CMTM8: variants seen among roughly 807,000 people sequenced by gnomAD.
The protein encoded by CMTM8 is CKLF-like MARVEL transmembrane domain-containing protein 8.
Under a neutral mutation model 18.6 loss-of-function variants are expected in CMTM8, and 12 were observed. The ratio of observed to expected loss-of-function variants is 0.65; its 90% CI spans 0.41 to 1.05. CMTM8 has a LOEUF of 1.05. Among genes scored for constraint, CMTM8 ranks in the 50% least tolerant of loss-of-function variants. The probability of loss-of-function intolerance (pLI) is 0.00; values close to 1 mark genes in which losing one functional copy is unlikely to be tolerated. For synonymous variants in CMTM8, 87 were observed against 90.6 expected (o/e 0.96, Z 0.23); for missense variants, 217 against 227.2 (o/e 0.95, Z 0.29).
intron 1 of CMTM8, among the ~76,000 whole-genome samples, chr3:32,261,302 G>T (rs1452562913): frequency 1.3e-5 from 2 of 152,174 alleles, no homozygotes; most frequent in East Asian, 3.9e-4. Flanking sequence ...TCTGTGTCTA[G>T]CCCTTAGAAT....
In CMTM8 at chr3:32,358,450, A is replaced by AT. The variant is rs201680074; in HGVS notation, c.321+911dup. ...TAAAACAGAGCTCTCCAGTGATACTATTTTTTTGTCTGTTTTCAACCAATA... is the reference window on the plus strand; with the variant it reads ...TAAAACAGAGCTCTCCAGTGATACTATTTTTTTTGTCTGTTTTCAACCAATA... On this transcript the variant is annotated intron_variant, in intron 2 of 3. Transcript: ENST00000307526. The surrounding 1 kb of genome is among the most constrained non-coding windows in gnomAD (Gnocchi z 4.1). Among the ~76,000 whole-genome samples, 10 of 152,160 alleles carry AT rather than the reference A, an allele frequency of 6.6e-5. No individual in the cohort carries two copies. Among genetic ancestry groups the AT allele is most frequent in the Admixed American group, 6.5e-4 (10 of 15,278 alleles).
chr3:32,344,714 G>C (rs1696561265), intron 1 of CMTM8, among the ~76,000 whole-genome samples: 1 of 152,174 alleles, frequency 6.6e-6, no homozygotes, highest in Non-Finnish European at 1.5e-5. Context: ...GGGCAACATA[G>C]TGAGACCCCG....
chr3:32,357,270 T>C (rs926294333), intron 1 of CMTM8, 103 bp from the exon 2 acceptor site: 79 of 921,428 alleles, frequency 8.6e-5, no homozygotes, highest in Non-Finnish European at 1.2e-4. Flanking sequence ...TAAGTTGTAA[T>C]TGACATTCTG....
rs899181018 is a variant in CMTM8 at position 32,295,832 on chromosome 3, G to A, written c.147+56713G>A. Among the ~76,000 whole-genome samples, 11 of 152,180 alleles carry A rather than the reference G, an allele frequency of 7.2e-5. No individual in the cohort carries two copies. In the East Asian group the frequency reaches 2.1e-3, roughly 29 times the overall value. On this transcript the variant is annotated intron_variant, in intron 1 of 3. Coordinates refer to ENST00000307526, the MANE Select transcript of CMTM8 (RefSeq NM_178868.5). ...GATCCGGGGCCTGCCTTTCTATCTGGCTTTGTTTGTTGCCTGGATATCTAT... is the reference window on the plus strand; with the variant it reads ...GATCCGGGGCCTGCCTTTCTATCTGACTTTGTTTGTTGCCTGGATATCTAT...
At chr3:32,347,075 C>T (rs982953753) in intron 1 of CMTM8, among the ~76,000 whole-genome samples, 8 of 152,100 alleles carry the variant, frequency 5.3e-5, no homozygotes, top group African/African-American at 1.2e-4. Flanking sequence ...GCAATCCTCC[C>T]GCCTCAGCCA....
intron 1 of CMTM8, among the ~76,000 whole-genome samples, chr3:32,329,749 C>T (rs1015036444): frequency 1.3e-5 from 2 of 152,120 alleles, no homozygotes; most frequent in African/African-American, 4.8e-5. Flanking sequence ...CAACATAAGA[C>T]CAGAAGTCCT....
intron 1 of CMTM8, among the ~76,000 whole-genome samples, chr3:32,280,876 A>C (rs1702598948): frequency 6.7e-6 from 1 of 149,966 alleles, no homozygotes; most frequent in African/African-American, 2.5e-5. Flanking sequence ...AAAAAGTGAC[A>C]ATTATATTTG....
At chr3:32,366,128 T>C (rs1323091012) in intron 2 of CMTM8, among the ~76,000 whole-genome samples, 2 of 152,272 alleles carry the variant, frequency 1.3e-5, no homozygotes, top group Non-Finnish European at 2.9e-5. Flanking sequence ...AAGTTAGGCA[T>C]TGTGAGATAG....
chr3:32,305,156 C>T (rs1013054389), intron 1 of CMTM8, among the ~76,000 whole-genome samples: 3 of 151,802 alleles, frequency 2.0e-5, no homozygotes, highest in Non-Finnish European at 2.9e-5. Context: ...GCTTTATGGA[C>T]TCAAGCGGCT....
chr3:32,312,738 C>G (rs1695843846), intron 1 of CMTM8, among the ~76,000 whole-genome samples: 2 of 151,838 alleles, frequency 1.3e-5, no homozygotes. Context: ...GCTGAAGGTT[C>G]TAACCCTCTA....
intron 1 of CMTM8, among the ~76,000 whole-genome samples, chr3:32,354,398 CTTTG>C (rs1696772484): frequency 6.6e-6 from 1 of 152,106 alleles, no homozygotes; most frequent in South Asian, 2.1e-4. Flanking sequence ...ATTCTTTTTA[CTTTG>C]TTTGCTTGTG....
At chr3:32,292,637 C>A (rs540039983) in intron 1 of CMTM8, among the ~76,000 whole-genome samples, 18 of 152,144 alleles carry the variant, frequency 1.2e-4, no homozygotes, top group African/African-American at 2.9e-4. Flanking sequence ...ATCCTTTAGG[C>A]CCGGATTTCT....
chr3:32,272,666 A>G (rs769847379), intron 1 of CMTM8, among the ~76,000 whole-genome samples: 2 of 152,198 alleles, frequency 1.3e-5, no homozygotes, highest in Non-Finnish European at 2.9e-5. Flanking sequence ...TATGGCCTAC[A>G]TAGACTCAGA....
In CMTM8 at chr3:32,357,341, C is replaced by T. The variant is rs140366501; in HGVS notation, c.148-32C>T. 62 of 1,574,620 alleles carry T rather than the reference C, an allele frequency of 3.9e-5. No individual in the cohort carries two copies. In the East Asian group the frequency reaches 7.6e-4, roughly 19 times the overall value. On this transcript the variant is annotated intron_variant, in intron 1 of 3. Transcript: ENST00000307526. ...CTTTTTCTTTATCTTCTACTGTCCCCTCCTCTCTCCACTGCTTCTACCACT... is the reference window on the plus strand; with the variant it reads ...CTTTTTCTTTATCTTCTACTGTCCCTTCCTCTCTCCACTGCTTCTACCACT...
intron 1 of CMTM8, among the ~76,000 whole-genome samples, chr3:32,300,993 A>G (rs1358545532): frequency 6.6e-6 from 1 of 152,108 alleles, no homozygotes; most frequent in African/African-American, 2.4e-5. Flanking sequence ...ATTTTTTTCA[A>G]CCATTTAAAA....
chr3:32,296,745 C>G (rs1702885521), intron 1 of CMTM8, among the ~76,000 whole-genome samples: 1 of 152,198 alleles, frequency 6.6e-6, no homozygotes, highest in African/African-American at 2.4e-5. Context: ...ATGTTCCATC[C>G]AGATCTGAGG....
At chr3:32,310,578 G>A (rs960651256) in intron 1 of CMTM8, among the ~76,000 whole-genome samples, 14 of 152,138 alleles carry the variant, frequency 9.2e-5, no homozygotes, top group African/African-American at 3.4e-4. Context: ...ATCATACTGC[G>A]AGGCTCAACA....
At chr3:32,294,934 A>T (rs779550088) in intron 1 of CMTM8, among the ~76,000 whole-genome samples, 17 of 151,966 alleles carry the variant, frequency 1.1e-4, no homozygotes, top group Non-Finnish European at 7.4e-5. Flanking sequence ...GCACACCTAT[A>T]ATCCCAGCTA....
chr3:32,293,613 A>G (rs1702822159), intron 1 of CMTM8, among the ~76,000 whole-genome samples: 1 of 152,164 alleles, frequency 6.6e-6, no homozygotes, highest in South Asian at 2.1e-4. Flanking sequence ...TGGGAGGCCA[A>G]GGCAGGTGGA....
Sources: gnomAD v4.1 joint callset for allele counts (sites outside exome capture counted in the v4.1 genomes callset) on GRCh38, gnomAD v4.1.1 for gene constraint, Gnocchi (gnomAD v3.1) non-coding constraint, MANE v1.5 for transcripts, NCBI Gene and HGNC (gene_info 2026-07-23, HGNC 2026-07-21) for gene names.